Variants in CCDC171 observed in about 807,000 individuals in gnomAD.
CCDC171 encodes the protein coiled-coil domain-containing protein 171.
In CCDC171, 177 loss-of-function variants were observed where a neutral mutation model predicts 168.2. The ratio of observed to expected loss-of-function variants is 1.05; its 90% CI spans 0.93 to 1.19. The LOEUF (loss-of-function observed/expected upper bound fraction) is 1.19. Among genes scored for constraint, CCDC171 ranks in the 50% most tolerant of loss-of-function variants. The pLI is 0.00. For synonymous variants in CCDC171, 687 were observed against 540.8 expected (o/e 1.27, Z -3.75); for missense variants, 1,991 against 1,539.0 (o/e 1.29, Z -4.91).
chr9:15,741,824 G>A (rs1268012469), intron 16 of CCDC171, among the ~76,000 whole-genome samples: 1 of 152,170 alleles, frequency 6.6e-6, no homozygotes, highest in African/African-American at 2.4e-5. Context: ...TACTAGTGGA[G>A]ATAGTGGGTG....
intron 3 of CCDC171, among the ~76,000 whole-genome samples, chr9:15,578,388 C>T (rs1260288986): frequency 6.7e-6 from 1 of 149,158 alleles, no homozygotes; most frequent in Non-Finnish European, 1.5e-5. Context: ...GTGCACACCA[C>T]CATGCCTGGT....
chr9:15,559,655 C>G (rs1320717463), intron 1 of CCDC171, among the ~76,000 whole-genome samples: 3 of 152,258 alleles, frequency 2.0e-5, no homozygotes, highest in African/African-American at 7.2e-5. Context: ...CTCCTCAGTA[C>G]AGCACACTGA....
At chr9:15,650,572 G>A (rs1361549054) in intron 7 of CCDC171, among the ~76,000 whole-genome samples, 2 of 152,016 alleles carry the variant, frequency 1.3e-5, no homozygotes, top group Admixed American at 6.6e-5. Context: ...CATATTTTGA[G>A]TTGTCCTTTT....
chr9:15,642,576 G>C (rs966616425), intron 7 of CCDC171, among the ~76,000 whole-genome samples: 4 of 151,562 alleles, frequency 2.6e-5, no homozygotes, highest in African/African-American at 7.3e-5. Flanking sequence ...CATTGGACTA[G>C]AAGATTTAAA....
At chr9:15,788,781 G>C (rs920719761) in intron 21 of CCDC171, among the ~76,000 whole-genome samples, 3 of 152,012 alleles carry the variant, frequency 2.0e-5, no homozygotes, top group Admixed American at 6.6e-5. Context: ...TCAAACTCCT[G>C]AGTTCAAGCG....
chr9:15,609,825 ACTTCC>A (rs935679775), intron 6 of CCDC171, among the ~76,000 whole-genome samples: 4 of 152,104 alleles, frequency 2.6e-5, no homozygotes, highest in Non-Finnish European at 5.9e-5. Flanking sequence ...TTGGCTTTTT[ACTTCC>A]CTATGTGAGT....
chr9:15,597,449 A>G (rs1359122201), intron 6 of CCDC171, among the ~76,000 whole-genome samples: 1 of 152,140 alleles, frequency 6.6e-6, no homozygotes, highest in African/African-American at 2.4e-5. Flanking sequence ...GATTACGTTT[A>G]TTGATTTGCA....
intron 2 of CCDC171, among the ~76,000 whole-genome samples, chr9:15,569,849 A>AAACAAAAAC (rs371701324): frequency 0.014 from 2,033 of 141,958 alleles, 23 homozygotes; most frequent in South Asian, 0.038. Flanking sequence ...AAACAAACAA[A>AAACAAAAAC]AAAAAAATTT....
rs894331537 is a variant in CCDC171, at chr9:16,000,587, G to A, written n.369-20002G>A. ...AAAAGATATGAAATATTCATCCTCA[G>A]ATAATGGGGAGACAGAATTTGAGTG... On this transcript the variant is annotated intron_variant and non_coding_transcript_variant, in intron 3 of 9. Transcript: ENST00000486641. Among the ~76,000 whole-genome samples the A allele has an allele frequency of 6.6e-5, 10 of 152,164 alleles. No individual in the cohort carries two copies. The South Asian group carries it at 8.3e-4, about 13-fold the overall frequency.
At chr9:15,714,951 C>G (rs2052966923) in intron 11 of CCDC171, among the ~76,000 whole-genome samples, 1 of 152,150 alleles carries the variant, frequency 6.6e-6, no homozygotes, top group South Asian at 2.1e-4. Context: ...TGCTTTGACT[C>G]CACTACCCAT....
chr9:15,706,982 C>CA (rs2052294434), intron 11 of CCDC171, among the ~76,000 whole-genome samples: 3 of 152,198 alleles, frequency 2.0e-5, no homozygotes, highest in Non-Finnish European at 4.4e-5. Context: ...TCCTGCTTTA[C>CA]TTCTTTCATA....
chr9:15,909,910 T>G (rs1225936743), intron 24 of CCDC171, among the ~76,000 whole-genome samples: 2 of 152,170 alleles, frequency 1.3e-5, no homozygotes, highest in African/African-American at 2.4e-5. Flanking sequence ...AGTCTGCTCT[T>G]TTAGTATATC....
intron 7 of CCDC171, among the ~76,000 whole-genome samples, chr9:15,655,017 C>T (rs1469783245): frequency 6.6e-6 from 1 of 152,118 alleles, no homozygotes. Flanking sequence ...GAACATCACA[C>T]ACCGGAGCCT....
chr9:15,813,861 A>G (rs940380277), intron 21 of CCDC171, among the ~76,000 whole-genome samples: 1 of 152,190 alleles, frequency 6.6e-6, no homozygotes, highest in Non-Finnish European at 1.5e-5. Context: ...TGTTAGATCT[A>G]GTTCTGGTGC....
At chr9:15,762,172 T>A (rs1311984703) in intron 18 of CCDC171, among the ~76,000 whole-genome samples, 1 of 149,528 alleles carries the variant, frequency 6.7e-6, no homozygotes, top group African/African-American at 2.5e-5. Flanking sequence ...TTTTTTTTTT[T>A]AAGAAAGCTA....
chr9:15,810,672 C>T (rs1057214680), intron 21 of CCDC171, among the ~76,000 whole-genome samples: 3 of 152,186 alleles, frequency 2.0e-5, no homozygotes, highest in African/African-American at 4.8e-5. Context: ...TGCCTGGGGC[C>T]GGCAGTGCCG....
chr9:15,948,196 G>A (rs1189639746), intron 25 of CCDC171, among the ~76,000 whole-genome samples: 1 of 151,272 alleles, frequency 6.6e-6, no homozygotes, highest in Non-Finnish European at 1.5e-5. Context: ...TGGTGCATAT[G>A]TGCCACATTT....
chr9:15,590,788 T>C (rs1554693085), intron 4 of CCDC171, among the ~76,000 whole-genome samples: 1 of 53,462 alleles, frequency 1.9e-5, no homozygotes, highest in Non-Finnish European at 4.4e-5. Flanking sequence ...TTTCTTTCTT[T>C]CTTTCTTTCT....
rs549698886 is a variant in CCDC171 at position 15,799,986 on chromosome 9, T to A, written c.3267+15292T>A. 2.6e-3 allele frequency among the ~76,000 whole-genome samples: 398 copies of A among 152,298 alleles called. 1 individual carries two copies. Among genetic ancestry groups the A allele is most frequent in the African/African-American group, 9.4e-3 (389 of 41,584 alleles). ...CTCTTATGGCTGCGTAATACTCTAT[T>A]GTGTATAAGTACCACATTTTCTTTA... On this transcript the variant is annotated intron_variant, in intron 21 of 25. Coordinates refer to ENST00000380701, the MANE Select transcript of CCDC171 (RefSeq NM_173550.4).
Sources: gnomAD v4.1 joint callset for allele counts (sites outside exome capture counted in the v4.1 genomes callset) on GRCh38, gnomAD v4.1.1 for gene constraint, MANE v1.5 for transcripts, NCBI Gene and HGNC (gene_info 2026-07-23, HGNC 2026-07-21) for gene names.